The following PTBP2 variants were observed in gnomAD, a reference collection of about 807,000 sequenced individuals.
PTBP2 encodes polypyrimidine tract-binding protein 2.
Under a neutral mutation model 61.4 loss-of-function variants are expected in PTBP2, and 13 were observed. That is an observed-to-expected ratio of 0.21 (90% CI 0.14 to 0.34). PTBP2 has a LOEUF of 0.34. Ranked by LOEUF, PTBP2 falls within the 10% of genes least tolerant of loss-of-function variation. The pLI is 1.00. For missense variants in PTBP2, 405 were observed against 642.6 expected (o/e 0.63, Z 4.00); for synonymous variants, 215 against 218.5 (o/e 0.98, Z 0.14).
intron 3 of PTBP2, among the ~76,000 whole-genome samples, chr1:96,761,546 G>A (rs541802559): frequency 1.5e-5 from 1 of 64,926 alleles, no homozygotes; most frequent in South Asian, 5.6e-4. Flanking sequence ...GGTCTTGGAA[G>A]GAGAATGCAG....
At chr1:96,738,363 G>A (rs756406422) in intron 2 of PTBP2, among the ~76,000 whole-genome samples, 3 of 151,706 alleles carry the variant, frequency 2.0e-5, no homozygotes, top group Non-Finnish European at 4.4e-5. Context: ...GTGGGATCTC[G>A]GCTCACTGCA....
At chr1:96,810,818 T>C (rs1447114240) in intron 11 of PTBP2, among the ~76,000 whole-genome samples, 2 of 152,292 alleles carry the variant, frequency 1.3e-5, no homozygotes, top group East Asian at 3.9e-4. Context: ...TATAATTCAG[T>C]GGGTTTTATT....
intron 2 of PTBP2, among the ~76,000 whole-genome samples, chr1:96,741,045 A>AT (rs1193601512): frequency 6.6e-6 from 1 of 151,546 alleles, no homozygotes; most frequent in African/African-American, 2.4e-5. Flanking sequence ...TTAGCGCTGC[A>AT]TGTAGATTCT....
intron 11 of PTBP2, 39 bp downstream of exon 11, chr1:96,806,997 C>G: frequency 6.8e-7 from 1 of 1,460,330 alleles, no homozygotes; most frequent in South Asian, 1.2e-5. Flanking sequence ...ATCTTCACTT[C>G]TGCTTTCAAA....
At chr1:96,804,678 G>T in intron 8 of PTBP2, 122 bp from the exon 9 acceptor site, 1 of 926,478 alleles carries the variant, frequency 1.1e-6, no homozygotes, top group Non-Finnish European at 1.6e-6. Context: ...TAACTTTCAG[G>T]AACCATTTGG....
At chr1:96,770,946 TC>T in intron 5 of PTBP2, 95 bp downstream of exon 5, 2 of 1,032,724 alleles carry the variant, frequency 1.9e-6, no homozygotes, top group Non-Finnish European at 2.8e-6. Flanking sequence ...GTTCAGATGT[TC>T]CTTATAGGCA....
intron 5 of PTBP2, among the ~76,000 whole-genome samples, chr1:96,773,740 G>C (rs1657664752): frequency 1.3e-5 from 2 of 152,010 alleles, no homozygotes; most frequent in African/African-American, 4.8e-5. Flanking sequence ...ACTTTGGGAG[G>C]CTGAGGTGGG....
chr1:96,762,882 G>A (rs1186621813), intron 3 of PTBP2, among the ~76,000 whole-genome samples: 15 of 150,598 alleles, frequency 1.0e-4, no homozygotes, highest in Admixed American at 8.6e-4. Context: ...GGGCCGAGAC[G>A]CTCCTCACCT....
intron 2 of PTBP2, among the ~76,000 whole-genome samples, chr1:96,738,234 GTA>G (rs10533173): frequency 0.34 from 51,032 of 151,396 alleles, 8,767 homozygotes; most frequent in South Asian, 0.44. Context: ...AAAAGGAGTG[GTA>G]TATATATATA....
At chr1:96,794,862 A>G (rs994536937) in intron 8 of PTBP2, among the ~76,000 whole-genome samples, 2 of 152,224 alleles carry the variant, frequency 1.3e-5, no homozygotes, top group Non-Finnish European at 2.9e-5. Context: ...TGTGATGAAC[A>G]TTCAGTTATG....
intron 4 of PTBP2, 126 bp from the exon 5 acceptor site, chr1:96,770,582 G>T: frequency 1.1e-6 from 1 of 894,764 alleles, no homozygotes; most frequent in Non-Finnish European, 1.7e-6. Flanking sequence ...CTGCTTATCA[G>T]AACATTTAAA....
chr1:96,747,419 G>C (rs776219704), intron 2 of PTBP2, among the ~76,000 whole-genome samples: 4 of 151,986 alleles, frequency 2.6e-5, no homozygotes, highest in Non-Finnish European at 5.9e-5. Context: ...TACATACTCA[G>C]AGTTCATAAA....
intron 5 of PTBP2, among the ~76,000 whole-genome samples, chr1:96,773,216 A>T (rs1334736201): frequency 6.6e-6 from 1 of 151,556 alleles, no homozygotes; most frequent in Non-Finnish European, 1.5e-5. Flanking sequence ...TGGAAGCCCC[A>T]TTGAGAGGGG....
intron 7 of PTBP2, 25 bp downstream of exon 7, chr1:96,777,971 AT>A (rs35880836): frequency 5.2e-4 from 675 of 1,289,722 alleles, no homozygotes; most frequent in South Asian, 2.4e-3. Context: ...TGAGATGGTG[AT>A]TTTTTTTTAT....
intron 3 of PTBP2, among the ~76,000 whole-genome samples, chr1:96,760,276 T>G (rs992846048): frequency 1.3e-5 from 2 of 152,064 alleles, no homozygotes; most frequent in Non-Finnish European, 2.9e-5. Context: ...CATGAAAAGA[T>G]AATGTTAGTC....
chr1:96,731,008 T>TG (rs1194783441), intron 2 of PTBP2, among the ~76,000 whole-genome samples: 4 of 152,258 alleles, frequency 2.6e-5, no homozygotes, highest in Non-Finnish European at 5.9e-5. Context: ...AGAAGTCCAC[T>TG]GTTTTTTTTT....
Position 96,761,346 on chromosome 1 carries a change from A to ATGTGTGTGTGTG in PTBP2, c.116-8325_116-8314dup, listed in dbSNP as rs57451223. On this transcript the variant is annotated intron_variant, in intron 3 of 13. Coordinates refer to ENST00000674951, the MANE Select transcript of PTBP2 (RefSeq NM_021190.4). Reference sequence around the variant, plus strand: ...AGCAGGGGCCTAGATGTGGGATTTGATGTGTGTGTGTGTGTGTGTGTGTGT... The same window carrying ATGTGTGTGTGTG: ...AGCAGGGGCCTAGATGTGGGATTTGATGTGTGTGTGTGTGTGTGTGTGTGTGTGTGTGTGTGT... Among the ~76,000 whole-genome samples the ATGTGTGTGTGTG allele has an allele frequency of 3.5e-3, 496 of 140,562 alleles. 5 individuals carry two copies. The highest frequency in any genetic ancestry group is 1.0e-2 in the African/African-American group (379 of 37,958). 92.2% of individuals were successfully genotyped at this position (140,562 alleles called of 152,430 possible).
chr1:96,803,802 C>T (rs1309932415), intron 8 of PTBP2, among the ~76,000 whole-genome samples: 1 of 152,032 alleles, frequency 6.6e-6, no homozygotes, highest in African/African-American at 2.4e-5. Context: ...CCTGTTCTAC[C>T]CAGGTATGTT....
At chr1:96,765,809 G>A (rs1286306721) in intron 3 of PTBP2, among the ~76,000 whole-genome samples, 1 of 152,126 alleles carries the variant, frequency 6.6e-6, no homozygotes, top group Non-Finnish European at 1.5e-5. Flanking sequence ...TAGAGTATCG[G>A]AACAAAAACA....
Sources: allele counts gnomAD v4.1 joint callset (sites outside exome capture counted in the v4.1 genomes callset), GRCh38; gene constraint gnomAD v4.1.1; transcripts MANE v1.5; gene names NCBI Gene and HGNC (gene_info 2026-07-23, HGNC 2026-07-21).